EIF4G3: variants seen among roughly 807,000 people sequenced by gnomAD.
EIF4G3 encodes eukaryotic translation initiation factor 4 gamma 3.
A neutral mutation model predicts 186.4 loss-of-function variants in EIF4G3; 34 were observed. The ratio of observed to expected loss-of-function variants is 0.18; its 90% CI spans 0.14 to 0.24. The LOEUF is 0.24. EIF4G3 is among the 10% of genes least tolerant of loss of function. The pLI is 1.00. For missense variants in EIF4G3, 1,536 were observed against 1,948.5 expected (o/e 0.79, Z 3.99); for synonymous variants, 673 against 679.5 (o/e 0.99, Z 0.15).
At chr1:20,859,928 T>C (rs2075959586) in intron 24 of EIF4G3, among the ~76,000 whole-genome samples, 1 of 152,238 alleles carries the variant, frequency 6.6e-6, no homozygotes, top group South Asian at 2.1e-4. Flanking sequence ...TAAAGTTTTC[T>C]TTCAGCTTTC....
chr1:20,814,319 G>A (rs142088873), intron 34 of EIF4G3, among the ~76,000 whole-genome samples: 241 of 152,132 alleles, frequency 1.6e-3, no homozygotes, highest in Non-Finnish European at 3.0e-3. Flanking sequence ...CCAATTCATT[G>A]AAAAATAATT....
At chr1:20,932,904 T>TA (rs202095296) in intron 14 of EIF4G3, among the ~76,000 whole-genome samples, 2,036 of 151,880 alleles carry the variant, frequency 0.013, 44 homozygotes, top group African/African-American at 0.044. Context: ...CTTCAATTTG[T>TA]AAAAAAAACC....
intron 2 of EIF4G3, among the ~76,000 whole-genome samples, chr1:21,153,297 C>A (rs2097579986): frequency 6.6e-6 from 1 of 152,202 alleles, no homozygotes; most frequent in Non-Finnish European, 1.5e-5. Context: ...CTAGAAGATT[C>A]TAACGGCATT....
chr1:21,005,083 A>G (rs999162618), intron 4 of EIF4G3, among the ~76,000 whole-genome samples: 7 of 152,176 alleles, frequency 4.6e-5, no homozygotes, highest in African/African-American at 1.7e-4. Context: ...ACTGTTTCAG[A>G]CACAACGTTT....
At chr1:21,102,931 C>A (rs1467620210) in intron 2 of EIF4G3, among the ~76,000 whole-genome samples, 2 of 152,156 alleles carry the variant, frequency 1.3e-5, no homozygotes, top group African/African-American at 4.8e-5. Flanking sequence ...CATTTCAATT[C>A]TCTTTCCTAT....
chr1:20,997,720 G>T, intron 6 of EIF4G3, 87 bp from the exon 7 acceptor site: 1 of 1,088,238 alleles, frequency 9.2e-7, no homozygotes, highest in Non-Finnish European at 1.3e-6. Context: ...CACACAATAT[G>T]CCAAAAGAAA....
intron 33 of EIF4G3, among the ~76,000 whole-genome samples, chr1:20,823,271 TTAGA>T (rs1405773727): frequency 6.6e-6 from 1 of 152,196 alleles, no homozygotes; most frequent in East Asian, 1.9e-4. Flanking sequence ...GGGACTCCAA[TTAGA>T]TAGGTTAGAT....
At chr1:21,103,607 G>A (rs1389256593) in intron 2 of EIF4G3, among the ~76,000 whole-genome samples, 2 of 152,156 alleles carry the variant, frequency 1.3e-5, no homozygotes, top group African/African-American at 4.8e-5. Context: ...ACTTTGGGAG[G>A]CCAAGGTGGG....
chr1:20,923,184 CT>C (rs1302050948), intron 14 of EIF4G3, among the ~76,000 whole-genome samples: 1 of 152,054 alleles, frequency 6.6e-6, no homozygotes, highest in Non-Finnish European at 1.5e-5. Context: ...TTAAAGTTGT[CT>C]TTTGCTTTTG....
chr1:21,019,322 T>C (rs2090079685), intron 4 of EIF4G3, among the ~76,000 whole-genome samples: 1 of 152,260 alleles, frequency 6.6e-6, no homozygotes, highest in East Asian at 1.9e-4. Flanking sequence ...GCACGTATAT[T>C]TGTAAATGCT....
chr1:20,974,630 A>T (rs1423809643), intron 10 of EIF4G3, among the ~76,000 whole-genome samples: 2 of 152,202 alleles, frequency 1.3e-5, no homozygotes, highest in African/African-American at 4.8e-5. Flanking sequence ...CGTAAAAGAA[A>T]AGCAGAAAAA....
At chr1:20,939,540 T>C (rs6691794) in intron 14 of EIF4G3, among the ~76,000 whole-genome samples, 1 of 152,178 alleles carries the variant, frequency 6.6e-6, no homozygotes, top group African/African-American at 2.4e-5. Flanking sequence ...AACTGATGTT[T>C]AAAAAAAGAA....
chr1:21,056,949 C>T (rs1239530094), intron 3 of EIF4G3, among the ~76,000 whole-genome samples: 1 of 152,128 alleles, frequency 6.6e-6, no homozygotes, highest in East Asian at 1.9e-4. Context: ...GTGTGTACTG[C>T]TTATTGCATT....
chr1:20,813,439 C>T (rs1570861833), intron 34 of EIF4G3, among the ~76,000 whole-genome samples, 200 bp from the exon 35 acceptor site: 1 of 141,826 alleles, frequency 7.1e-6, no homozygotes, highest in African/African-American at 2.6e-5. Flanking sequence ...TATGGTGGCA[C>T]ATGCCTGTGT....
At chr1:21,167,688 G>A (rs1348991163) in intron 2 of EIF4G3, among the ~76,000 whole-genome samples, 1 of 152,100 alleles carries the variant, frequency 6.6e-6, no homozygotes, top group Non-Finnish European at 1.5e-5. Context: ...AACCCGGGAG[G>A]TGGAGGTTGC....
chr1:21,023,211 T>G (rs1283301812), intron 4 of EIF4G3, among the ~76,000 whole-genome samples: 1 of 147,502 alleles, frequency 6.8e-6, no homozygotes, highest in Non-Finnish European at 1.5e-5. Flanking sequence ...TAGAAAGTGG[T>G]GTAAGGGCTC....
At chr1:20,909,701 G>A (rs2092873100) in intron 14 of EIF4G3, among the ~76,000 whole-genome samples, 1 of 150,316 alleles carries the variant, frequency 6.7e-6, no homozygotes, top group Non-Finnish European at 1.5e-5. Context: ...AAGAATTTAA[G>A]CTTTATAGTT....
intron 29 of EIF4G3, among the ~76,000 whole-genome samples, chr1:20,843,843 T>C (rs1345495882): frequency 1.3e-5 from 2 of 152,198 alleles, no homozygotes; most frequent in East Asian, 1.9e-4. Flanking sequence ...TGTGCATTTT[T>C]CTCCTCTACG....
rs1206894133 is a variant in EIF4G3 at position 20,826,119 on chromosome 1, G to T, written c.4270-921C>A. Among the ~76,000 whole-genome samples, 5 of 152,200 alleles carry T rather than the reference G, an allele frequency of 3.3e-5. No homozygotes were observed. The East Asian group carries it at 9.6e-4, about 29-fold the overall frequency. ...GAATTTAGTTTTATTTGGAAGTAGG[G>T]TTGTGCTGTTTCTACACATCAAAGT... is the stretch of plus-strand genomic sequence containing the variant. On this transcript the variant is annotated intron_variant, in intron 32 of 36. Transcript: ENST00000602326.
Sources: allele counts gnomAD v4.1 joint callset (sites outside exome capture counted in the v4.1 genomes callset), GRCh38; gene constraint gnomAD v4.1.1; transcripts MANE v1.5; gene names NCBI Gene and HGNC (gene_info 2026-07-23, HGNC 2026-07-21).